Variants in CARHSP1 observed in about 807,000 individuals in gnomAD.
CARHSP1 encodes the protein calcium-regulated heat-stable protein 1.
CARHSP1 carries 14 observed loss-of-function variants against 12.5 expected under a neutral mutation model. The ratio of observed to expected loss-of-function variants is 1.12; its 90% CI spans 0.74 to 1.75. The LOEUF (loss-of-function observed/expected upper bound fraction) is 1.75. CARHSP1 is among the 40% of genes most tolerant of loss of function. CARHSP1 has a pLI of 0.00. For missense variants in CARHSP1, 343 were observed against 201.6 expected, an observed-to-expected ratio of 1.70 and a Z score of -4.25; for synonymous variants, 161 against 82.0, an observed-to-expected ratio of 1.96 and a Z score of -5.20.
intron 1 of CARHSP1, among the ~76,000 whole-genome samples, chr16:8,866,769 G>A (rs557394121): frequency 6.6e-6 from 1 of 151,704 alleles, no homozygotes; most frequent in Non-Finnish European, 1.5e-5. Flanking sequence ...AAGGGGAGGG[G>A]GCAGCCAGGC....
chr16:8,858,260 C>T (rs4985008), intron 3 of CARHSP1, 90 bp downstream of exon 3: 210,501 of 1,451,046 alleles, frequency 0.15, 16,432 homozygotes, highest in East Asian at 0.2. Flanking sequence ...TCACACCCAG[C>T]GCCCATCAGA....
chr16:8,865,581 G>A (rs2061441258), intron 1 of CARHSP1, among the ~76,000 whole-genome samples: 2 of 152,230 alleles, frequency 1.3e-5, no homozygotes, highest in Non-Finnish European at 2.9e-5. Flanking sequence ...GGCTGGGGAA[G>A]GCCAGGGTTG....
intron 2 of CARHSP1, 21 bp from the exon 3 acceptor site, chr16:8,858,493 T>C: frequency 6.2e-7 from 1 of 1,611,776 alleles, no homozygotes; most frequent in Non-Finnish European, 8.5e-7. Flanking sequence ...GGGGGAAATG[T>C]CAGGGGCCCC....
chr16:8,866,731 G>C (rs1596331318), intron 1 of CARHSP1, among the ~76,000 whole-genome samples: 2 of 150,304 alleles, frequency 1.3e-5, no homozygotes, highest in Admixed American at 1.3e-4. Flanking sequence ...ATGGGGGTTG[G>C]AGTGTCCAGG....
At position 8,861,989 on chromosome 16, in the gene CARHSP1, C is replaced by CTTTTTTTTTTT. The variant is rs537614451; in HGVS notation, c.-7-2665_-7-2655dup. 9.7e-3 allele frequency among the ~76,000 whole-genome samples: 771 copies of CTTTTTTTTTTT among 79,710 alleles called. 101 individuals carry two copies. The highest frequency in any genetic ancestry group is 0.014 in the Non-Finnish European group (545 of 38,786). The allele number at this position is 79,710 out of a possible 152,430, so 52.3% of individuals were successfully genotyped here. On this transcript the variant is annotated intron_variant, in intron 1 of 3. Coordinates refer to ENST00000311052, the MANE Select transcript of CARHSP1 (RefSeq NM_014316.4). ...TTCTCCTGGAGTCAAGCATAGCTGA[C>CTTTTTTTTTTT]TTTTTTTTTTTTTTTTTTTTTTTTT...
intron 1 of CARHSP1, among the ~76,000 whole-genome samples, chr16:8,866,096 G>A (rs1350246736): frequency 6.6e-6 from 1 of 152,176 alleles, no homozygotes; most frequent in Non-Finnish European, 1.5e-5. Context: ...TGGGACTACA[G>A]GCGTGTGCTA....
chr16:8,864,151 G>A (rs1414485584), intron 1 of CARHSP1, among the ~76,000 whole-genome samples: 3 of 152,260 alleles, frequency 2.0e-5, no homozygotes, highest in Non-Finnish European at 4.4e-5. Context: ...GTATGTAGGT[G>A]TATGCACATG....
rs1490635067 is a variant in CARHSP1 at position 8,858,297 on chromosome 16, G to A, written c.281+53C>T. Reference sequence around the variant, plus strand: ...TCACACACCATCCCCACCTCCACAGGGCCAAGGAAGCGCCCACCCCAGCCA... The same window carrying A: ...TCACACACCATCCCCACCTCCACAGAGCCAAGGAAGCGCCCACCCCAGCCA... On this transcript the variant is annotated intron_variant, in intron 3 of 3. Transcript: ENST00000311052. The A allele has an allele frequency of 6.3e-6, 10 of 1,593,740 alleles. No individual in the cohort carries two copies. The East Asian group carries it at 2.0e-4, about 32-fold the overall frequency.
intron 1 of CARHSP1, among the ~76,000 whole-genome samples, chr16:8,865,818 C>T (rs1379023176): frequency 1.3e-5 from 2 of 152,254 alleles, no homozygotes; most frequent in African/African-American, 4.8e-5. Context: ...CCCTGTTTTA[C>T]AGATGAGGAA....
intron 1 of CARHSP1, chr16:8,867,854 G>A (rs1429048795): frequency 6.6e-6 from 1 of 152,382 alleles, no homozygotes; most frequent in East Asian, 1.9e-4. Flanking sequence ...ATAACAGGAA[G>A]CCCTGCTGAG....
At chr16:8,865,290 A>C (rs1182774192) in intron 1 of CARHSP1, among the ~76,000 whole-genome samples, 2 of 152,044 alleles carry the variant, frequency 1.3e-5, no homozygotes, top group African/African-American at 4.8e-5. Flanking sequence ...TTGTATTTTT[A>C]GTAGAGACGG....
Position 8,861,989 on chromosome 16 carries a change from CTTTTTTTTTTTTTT to C in CARHSP1, c.-7-2668_-7-2655del, listed in dbSNP as rs537614451. Among the ~76,000 whole-genome samples the C allele has an allele frequency of 1.9e-4, 15 of 79,808 alleles. 1 individual carries two copies. In the South Asian group the frequency reaches 7.7e-3, roughly 41 times the overall value. The allele number at this position is 79,808 out of a possible 152,430, so 52.4% of individuals were successfully genotyped here. On this transcript the variant is annotated intron_variant, in intron 1 of 3. Transcript: ENST00000311052. Reference sequence around the variant, plus strand: ...TTCTCCTGGAGTCAAGCATAGCTGACTTTTTTTTTTTTTTTTTTTTTTTTTTTTAATTTGAGATG... The same window carrying C: ...TTCTCCTGGAGTCAAGCATAGCTGACTTTTTTTTTTTTTTAATTTGAGATG...
chr16:8,864,155 G>A (rs2061417336), intron 1 of CARHSP1, among the ~76,000 whole-genome samples: 1 of 152,248 alleles, frequency 6.6e-6, no homozygotes, highest in African/African-American at 2.4e-5. Flanking sequence ...GTAGGTGTAT[G>A]CACATGTGTA....
intron 3 of CARHSP1, among the ~76,000 whole-genome samples, chr16:8,857,165 C>T (rs1259963810): frequency 6.6e-6 from 1 of 151,854 alleles, no homozygotes; most frequent in Non-Finnish European, 1.5e-5. Flanking sequence ...CACACATGCA[C>T]CATGCACAGC....
chr16:8,857,396 C>A (rs1292389810), intron 3 of CARHSP1: 1 of 147,064 alleles, frequency 6.8e-6, no homozygotes, highest in Non-Finnish European at 1.5e-5. Flanking sequence ...GATTCTCCTG[C>A]CTTAGCCTCC....
At chr16:8,864,670 C>A (rs543441483) in intron 1 of CARHSP1, among the ~76,000 whole-genome samples, 1 of 152,308 alleles carries the variant, frequency 6.6e-6, no homozygotes, top group South Asian at 2.1e-4. Flanking sequence ...GGCCATGCAC[C>A]CCCTTCCCCA....
rs186866844 is a variant in CARHSP1 at position 8,859,960 on chromosome 16, G to C, written c.-7-625C>G. 1.2e-3 allele frequency: 215 copies of C among 175,900 alleles called. 1 individual carries two copies. The highest frequency in any genetic ancestry group is 4.7e-3 in the African/African-American group (197 of 41,748). 10.9% of individuals were successfully genotyped at this position (175,900 alleles called of 1,614,324 possible). On this transcript the variant is annotated intron_variant, in intron 1 of 3. Coordinates refer to ENST00000311052, the MANE Select transcript of CARHSP1 (RefSeq NM_014316.4). ...CCACTGCACTCCAGCCTGGGCTACAGAGCAAGACTCTGTCTCAAAAAAGAA... is the reference window on the plus strand; with the variant it reads ...CCACTGCACTCCAGCCTGGGCTACACAGCAAGACTCTGTCTCAAAAAAGAA...
In CARHSP1 at chr16:8,855,018, AT is replaced by A; in HGVS notation, c.*145del. ...ACCCCACACCCCACACCTGCCCCCC[AT>A]ACCCCTTCCTCCAGGAGATACTTGA... On this transcript the variant is annotated 3_prime_UTR_variant, in exon 4 of 4. Transcript: ENST00000311052. 2.2e-5 allele frequency: 8 copies of A among 366,154 alleles called. No homozygotes were observed. Among genetic ancestry groups the A allele is most frequent in the East Asian group, 1.2e-4 (2 of 17,250 alleles). The allele number at this position is 366,154 out of a possible 1,614,324, so 22.7% of individuals were successfully genotyped here. A position where few individuals can be genotyped will look rare whatever the true frequency, so the allele number is the denominator to read the frequency against.
intron 1 of CARHSP1, chr16:8,861,584 C>A: frequency 7.8e-7 from 1 of 1,278,330 alleles, no homozygotes; most frequent in Non-Finnish European, 1.0e-6. Context: ...CCAGACATTG[C>A]TGCACTCTCC....
Sources: allele counts gnomAD v4.1 joint callset (sites outside exome capture counted in the v4.1 genomes callset), GRCh38; gene constraint gnomAD v4.1.1; transcripts MANE v1.5; gene names NCBI Gene and HGNC (gene_info 2026-07-23, HGNC 2026-07-21).